The following PAK1 variants were observed in gnomAD, a reference collection of about 807,000 sequenced individuals.
PAK1 encodes p21 (RAC1) activated kinase 1.
PAK1 carries 29 observed loss-of-function variants against 67.4 expected under a neutral mutation model. That is an observed-to-expected ratio of 0.43 (90% CI 0.32 to 0.59). The LOEUF is 0.59. Among genes scored for constraint, PAK1 ranks in the 20% least tolerant of loss-of-function variants. The pLI is 0.07. For synonymous variants in PAK1, 223 were observed against 237.4 expected (o/e 0.94, Z 0.56); for missense variants, 337 against 670.7 (o/e 0.50, Z 5.50).
At chr11:77,519,121 T>C in the PAK1 span, among the ~76,000 whole-genome samples, 1 of 152,214 alleles carries the variant, frequency 6.6e-6, no homozygotes, top group African/African-American at 2.4e-5. Context: ...TAGATAATTT[T>C]TATACTTTCC....
the PAK1 span, among the ~76,000 whole-genome samples, chr11:77,525,231 C>T: frequency 1.3e-5 from 2 of 151,488 alleles, no homozygotes; most frequent in Non-Finnish European, 2.9e-5. Flanking sequence ...CACCTGTAGT[C>T]CCAGGTACTA....
intron 1 of PAK1, among the ~76,000 whole-genome samples, chr11:77,446,266 C>A (rs1956595229): frequency 6.6e-6 from 1 of 152,154 alleles, no homozygotes; most frequent in South Asian, 2.1e-4. Context: ...AATCCCAGCA[C>A]TTTGGGAGGC....
chr11:77,451,743 G>A (rs1287045483), intron 1 of PAK1, among the ~76,000 whole-genome samples: 1 of 150,704 alleles, frequency 6.6e-6, no homozygotes, highest in East Asian at 1.9e-4. Flanking sequence ...GGGACTACAG[G>A]CGCCACCACC....
intron 1 of PAK1, among the ~76,000 whole-genome samples, chr11:77,410,231 G>A (rs1341720247): frequency 6.6e-6 from 1 of 152,088 alleles, no homozygotes; most frequent in Non-Finnish European, 1.5e-5. Flanking sequence ...CCTCTGCCCA[G>A]CACTACTTGA....
intron 1 of PAK1, among the ~76,000 whole-genome samples, chr11:77,438,607 T>C (rs1956229286): frequency 6.6e-6 from 1 of 152,184 alleles, no homozygotes. Context: ...AATCTCAAGG[T>C]ACACAGGTCA....
upstream of PAK1, among the ~76,000 whole-genome samples, chr11:77,478,198 GGC>G (rs1488253384): frequency 2.0e-5 from 3 of 152,048 alleles, no homozygotes; most frequent in African/African-American, 7.3e-5. Flanking sequence ...TGGTGACCCA[GGC>G]CAAGAAGTTA....
chr11:77,381,478 C>T (rs1413125681), intron 2 of PAK1, among the ~76,000 whole-genome samples: 2 of 152,114 alleles, frequency 1.3e-5, no homozygotes, highest in African/African-American at 4.8e-5. Flanking sequence ...TAATTAAAAT[C>T]CAAAAAGTCT....
chr11:77,489,262 C>T, the PAK1 span, among the ~76,000 whole-genome samples: 24 of 152,130 alleles, frequency 1.6e-4, no homozygotes, highest in African/African-American at 5.6e-4. Context: ...CAAACAAAAG[C>T]TGAGGGATTT....
intron 1 of PAK1, among the ~76,000 whole-genome samples, chr11:77,441,204 T>TA (rs369963805): frequency 0.026 from 3,732 of 145,756 alleles, 62 homozygotes; most frequent in Middle Eastern, 0.047. Flanking sequence ...AATACCGTCT[T>TA]AAAAAAAAAA....
chr11:77,488,399 A>T, the PAK1 span, among the ~76,000 whole-genome samples: 1 of 152,162 alleles, frequency 6.6e-6, no homozygotes, highest in African/African-American at 2.4e-5. Flanking sequence ...GGACATCCAC[A>T]AGCATCAAGA....
rs762128146 is a variant in PAK1 at position 77,340,699 on chromosome 11, C to T, written c.1063G>A (p.Val355Met). 1 of 1,612,530 alleles carries T rather than the reference C, an allele frequency of 6.2e-7. No individual in the cohort carries two copies. The highest frequency in any genetic ancestry group is 8.5e-7 in the Non-Finnish European group (1 of 1,178,524). The part of the protein sequence containing the change: ...EYLAGGSLTD[V>M]VTETCMDEGQ... Reference sequence around the variant, plus strand: ...TCATCCATGCAAGTTTCTGTCACCACATCTGTCAAGGAGCCTCCAGCCAAG... The same window carrying T: ...TCATCCATGCAAGTTTCTGTCACCATATCTGTCAAGGAGCCTCCAGCCAAG... Residue 355 changes from valine (V) to methionine (M), a missense_variant, in exon 11 of 15, where the codon GTG becomes ATG. Val to Met is a conservative substitution (Grantham distance 21, BLOSUM62 1). This residue lies in a region of PAK1 where 25 missense variants were observed against 47.6 expected (regional missense o/e 0.53). Transcript: ENST00000356341.
chr11:77,465,770 C>G (rs746249652), intron 1 of PAK1, among the ~76,000 whole-genome samples: 1 of 151,818 alleles, frequency 6.6e-6, no homozygotes, highest in African/African-American at 2.4e-5. Context: ...GGCAACACGG[C>G]AAAACCCTGT....
intron 1 of PAK1, among the ~76,000 whole-genome samples, chr11:77,472,922 G>C (rs1464500079): frequency 6.6e-6 from 1 of 152,180 alleles, no homozygotes; most frequent in Non-Finnish European, 1.5e-5. Context: ...AAATAGGATA[G>C]CGAAGGCTAC....
chr11:77,460,887 G>GA (rs1328449941), intron 1 of PAK1, among the ~76,000 whole-genome samples: 2 of 151,982 alleles, frequency 1.3e-5, no homozygotes, highest in East Asian at 1.9e-4. Context: ...GTAAAGGGCA[G>GA]AAAAAAAGTG....
intron 1 of PAK1, among the ~76,000 whole-genome samples, chr11:77,417,511 T>C (rs960661601): frequency 6.6e-6 from 1 of 152,176 alleles, no homozygotes; most frequent in Non-Finnish European, 1.5e-5. Flanking sequence ...GCACGGGGCA[T>C]TTTTAGGGTG....
At position 77,374,749 on chromosome 11, in the gene PAK1, T is replaced by C. The variant is rs142472975; in HGVS notation, c.440-384A>G. On this transcript the variant is annotated intron_variant, in intron 4 of 14. Transcript: ENST00000356341. ...TAGCCTGCTACATACCTGGGCTATA[T>C]TGTATAGCCTATTGCTTTCTAGGCT... Among the ~76,000 whole-genome samples, 775 of 152,336 alleles carry C rather than the reference T, an allele frequency of 5.1e-3. 6 individuals are homozygous for C. The highest frequency in any genetic ancestry group is 8.3e-3 in the Non-Finnish European group (565 of 68,036).
chr11:77,345,736 G>C (rs1395840543), intron 9 of PAK1, among the ~76,000 whole-genome samples: 1 of 152,210 alleles, frequency 6.6e-6, no homozygotes, highest in Non-Finnish European at 1.5e-5. Flanking sequence ...TAACAGCTGA[G>C]CATTAGTTTT....
chr11:77,381,639 T>A (rs1949846731), intron 2 of PAK1, among the ~76,000 whole-genome samples: 1 of 152,228 alleles, frequency 6.6e-6, no homozygotes. Context: ...GTATTTTTCT[T>A]CATTCTTACA....
chr11:77,371,555 G>A (rs533320462), intron 5 of PAK1, among the ~76,000 whole-genome samples: 2 of 152,266 alleles, frequency 1.3e-5, no homozygotes, highest in African/African-American at 4.8e-5. Flanking sequence ...TCATTCAAAC[G>A]TAGGGAGTGA....
Sources: gnomAD v4.1 joint callset for allele counts (sites outside exome capture counted in the v4.1 genomes callset) on GRCh38, gnomAD v4.1.1 for gene constraint, gnomAD v4.1.1 regional missense constraint, MANE v1.5 for transcripts, NCBI Gene and HGNC (gene_info 2026-07-23, HGNC 2026-07-21) for gene names.